Variants in PDE1B observed in about 807,000 individuals in gnomAD.
PDE1B encodes dual specificity calcium/calmodulin-dependent 3',5'-cyclic nucleotide phosphodiesterase 1B.
A neutral mutation model predicts 66.7 loss-of-function variants in PDE1B; 13 were observed. That is an observed-to-expected ratio of 0.19 (90% CI 0.13 to 0.31). PDE1B has a LOEUF of 0.31. Among genes scored for constraint, PDE1B ranks in the 10% least tolerant of loss-of-function variants. The pLI is 1.00. For missense variants in PDE1B, 485 were observed against 682.3 expected (o/e 0.71, Z 3.22); for synonymous variants, 230 against 253.9 (o/e 0.91, Z 0.90).
intron 14 of PDE1B, 49 bp from the exon 15 acceptor site, chr12:54,577,176 G>T (rs1257708099): frequency 4.7e-6 from 7 of 1,479,822 alleles, no homozygotes; most frequent in Non-Finnish European, 5.6e-6. Context: ...GGGTTCTGGG[G>T]AAGAATACTT....
In PDE1B at chr12:54,569,790, C is replaced by T. The variant is rs1957584916; in HGVS notation, c.477+178C>T. 6.6e-6 allele frequency among the ~76,000 whole-genome samples: 1 copy of T among 151,786 alleles called. No homozygotes were observed. On this transcript the variant is annotated intron_variant, in intron 5 of 15. Coordinates refer to ENST00000243052, the MANE Select transcript of PDE1B (RefSeq NM_000924.4). The surrounding 1 kb of genome is among the most constrained non-coding windows in gnomAD (Gnocchi z 4.4). ...TGATCTCGTCTCACTGCAACCTCTG[C>T]CTCCCTGCAAGCGATTCTCCTGCCT...
At position 54,575,011 on chromosome 12, in the gene PDE1B, A is replaced by T; in HGVS notation, c.1065-87A>T. The T allele has an allele frequency of 6.4e-6, 6 of 933,404 alleles. No homozygotes were observed. Among genetic ancestry groups the T allele is most frequent in the Middle Eastern group, 2.6e-4 (1 of 3,790 alleles). 57.8% of individuals were successfully genotyped at this position (933,404 alleles called of 1,614,324 possible). On this transcript the variant is annotated intron_variant, in intron 10 of 15. Coordinates refer to ENST00000243052, the MANE Select transcript of PDE1B (RefSeq NM_000924.4). The surrounding 1 kb of genome is among the most constrained non-coding windows in gnomAD (Gnocchi z 4.0). The stretch of plus-strand genomic sequence containing the variant: ...AAAAAAAAGGAAGAAGTTATGTGAT[A>T]GGGTGTGCGTGGGAAGTTAGGGAAT...
At chr12:54,577,177 A>G (rs1421540473) in intron 14 of PDE1B, 48 bp from the exon 15 acceptor site, 11 of 1,484,722 alleles carry the variant, frequency 7.4e-6, no homozygotes, top group Non-Finnish European at 1.0e-5. Flanking sequence ...GGTTCTGGGG[A>G]AGAATACTTC....
chr12:54,568,490 ACACACACACAC>A (rs1207396722), intron 3 of PDE1B, among the ~76,000 whole-genome samples: 1 of 151,326 alleles, frequency 6.6e-6, no homozygotes, highest in East Asian at 2.0e-4. Flanking sequence ...ACACACACAC[ACACACACACAC>A]ACACACACAC....
chr12:54,565,238 A>G (rs1957493551), intron 2 of PDE1B, among the ~76,000 whole-genome samples: 1 of 152,182 alleles, frequency 6.6e-6, no homozygotes, highest in Non-Finnish European at 1.5e-5. Context: ...TGGGGTGGGA[A>G]TCTGGGGGAG....
At chr12:54,555,993 C>A (rs535205737) in intron 2 of PDE1B, among the ~76,000 whole-genome samples, 3 of 152,218 alleles carry the variant, frequency 2.0e-5, no homozygotes, top group African/African-American at 7.2e-5. Context: ...GCTATAGGTG[C>A]CCTCTGGGGC....
chr12:54,554,183 G>A (rs1177394548), intron 2 of PDE1B: 1 of 152,184 alleles, frequency 6.6e-6, no homozygotes, highest in African/African-American at 2.4e-5. Flanking sequence ...TGCCTCATTG[G>A]TTTAACCCTG....
rs910955521 is a variant in PDE1B at position 54,566,634 on chromosome 12, C to G, written c.114-340C>G. On this transcript the variant is annotated intron_variant, in intron 2 of 15. Coordinates refer to ENST00000243052, the MANE Select transcript of PDE1B (RefSeq NM_000924.4). ...AACAGATCATCCTAAAAACATCACT[C>G]CAGGGGCTTGTACCTGCCTAATTCT... Among the ~76,000 whole-genome samples the G allele has an allele frequency of 4.6e-5, 7 of 152,316 alleles. No individual in the cohort carries two copies. In the South Asian group the frequency reaches 1.4e-3, roughly 32 times the overall value.
At chr12:54,557,281 T>G (rs1040932331) in intron 2 of PDE1B, among the ~76,000 whole-genome samples, 1 of 152,218 alleles carries the variant, frequency 6.6e-6, no homozygotes, top group Non-Finnish European at 1.5e-5. Context: ...TTTGCTGTTG[T>G]TTTTTAAATT....
At chr12:54,552,824 G>A (rs1957295476) in intron 2 of PDE1B, among the ~76,000 whole-genome samples, 1 of 152,330 alleles carries the variant, frequency 6.6e-6, no homozygotes. Context: ...TTCAGCATCT[G>A]TAACCCTAAG....
chr12:54,568,758 T>C (rs1361438544), intron 3 of PDE1B, among the ~76,000 whole-genome samples: 1 of 152,092 alleles, frequency 6.6e-6, no homozygotes, highest in Non-Finnish European at 1.5e-5. Flanking sequence ...ATCGCGCCAT[T>C]GCACTCCAGC....
chr12:54,562,202 C>T (rs1957430199), intron 2 of PDE1B, among the ~76,000 whole-genome samples: 1 of 152,140 alleles, frequency 6.6e-6, no homozygotes, highest in African/African-American at 2.4e-5. Context: ...CTTTGGAAAT[C>T]CCCAGAACAC....
rs989559406 is a variant in PDE1B at position 54,575,763 on chromosome 12, A to G, written c.1267+131A>G. On this transcript the variant is annotated intron_variant, in intron 12 of 15. Transcript: ENST00000243052. The surrounding 1 kb of genome is among the most constrained non-coding windows in gnomAD (Gnocchi z 4.0). The stretch of plus-strand genomic sequence containing the variant: ...AGAGGAAAGCCTACTGTGCTAGAGC[A>G]TGGGGTCCTGGGTTAGGAGGCCAGG... The G allele has an allele frequency of 2.5e-6, 2 of 799,818 alleles. No homozygotes were observed. The highest frequency in any genetic ancestry group is 2.1e-6 in the Non-Finnish European group (1 of 469,126). 49.5% of individuals were successfully genotyped at this position (799,818 alleles called of 1,614,324 possible). A position where few individuals can be genotyped will look rare whatever the true frequency, so the allele number is the denominator to read the frequency against.
chr12:54,576,483 T>G (rs1239058171), intron 13 of PDE1B, 88 bp from the exon 14 acceptor site: 49 of 1,497,142 alleles, frequency 3.3e-5, no homozygotes, highest in Non-Finnish European at 1.4e-5. Context: ...CTTCTCCTGG[T>G]CTTCCATGTC....
chr12:54,550,296 G>A (rs1957257846), intron 2 of PDE1B: 8 of 1,145,036 alleles, frequency 7.0e-6, no homozygotes, highest in Middle Eastern at 3.5e-4. Context: ...GGCTGCAGGA[G>A]GGCAGTAGAG....
In PDE1B at chr12:54,576,670, T is replaced by C. The variant is rs1249950; in HGVS notation, c.1476T>C (p.Asn492=). 798,859 of 1,611,004 alleles carry C rather than the reference T, an allele frequency of 0.5. 199,608 individuals are homozygous for C. Among genetic ancestry groups the C allele is most frequent in the Middle Eastern group, 0.67 (4,089 of 6,058 alleles). Residue 492 remains asparagine (N), a synonymous_variant, in exon 14 of 16, where the codon AAT becomes AAC. Transcript: ENST00000243052. ...CCTGGGTCAAGCGCATTCAGGAGAATAAGCAGAAATGGAAGGAACGGGCAG... is the reference window on the plus strand; with the variant it reads ...CCTGGGTCAAGCGCATTCAGGAGAACAAGCAGAAATGGAAGGAACGGGCAG... The part of the protein sequence containing the change: ...RSTWVKRIQE[N]KQKWKERAAS...
At chr12:54,570,537 G>C (rs1957597623) in intron 6 of PDE1B, 180 bp downstream of exon 6, 6 of 584,566 alleles carry the variant, frequency 1.0e-5, no homozygotes, top group Non-Finnish European at 9.2e-6. Context: ...CTTAGTTCCA[G>C]ACTTCATTAA....
rs1249499 is a variant in PDE1B, at chr12:54,578,815, C to T, written c.*973C>T. On this transcript the variant is annotated 3_prime_UTR_variant, in exon 16 of 16. Transcript: ENST00000243052. The stretch of plus-strand genomic sequence containing the variant: ...TAAAAGAGAGGGTCTGTCCCCTCCT[C>T]TCCACGTCCCAGAACTGGCCCAGCT... 0.081 allele frequency: 12,413 copies of T among 152,430 alleles called. 1,329 individuals are homozygous for T. Among genetic ancestry groups the T allele is most frequent in the African/African-American group, 0.25 (10,330 of 41,500 alleles). 9.4% of individuals were successfully genotyped at this position (152,430 alleles called of 1,614,324 possible).
chr12:54,552,157 G>A (rs1290052352), intron 2 of PDE1B, among the ~76,000 whole-genome samples: 1 of 152,088 alleles, frequency 6.6e-6, no homozygotes, highest in East Asian at 1.9e-4. Flanking sequence ...TTGAATATTG[G>A]GGAGGCTTTG....
Sources: allele counts gnomAD v4.1 joint callset (sites outside exome capture counted in the v4.1 genomes callset), GRCh38; gene constraint gnomAD v4.1.1; non-coding constraint Gnocchi (gnomAD v3.1); transcripts MANE v1.5; gene names NCBI Gene and HGNC (gene_info 2026-07-23, HGNC 2026-07-21).